The following MTMR12 variants were observed in gnomAD, a reference collection of about 807,000 sequenced individuals.
MTMR12 encodes the protein myotubularin-related protein 12.
Under a neutral mutation model 96.7 loss-of-function variants are expected in MTMR12, and 33 were observed. That is an observed-to-expected ratio of 0.34 (90% CI 0.26 to 0.46). The LOEUF (loss-of-function observed/expected upper bound fraction) is 0.46. Ranked by LOEUF, MTMR12 falls within the 20% of genes least tolerant of loss-of-function variation. The pLI, the probability that MTMR12 is intolerant of heterozygous loss-of-function variation, is 1.00. For synonymous variants in MTMR12, 298 were observed against 327.2 expected (o/e 0.91, Z 0.96); for missense variants, 721 against 896.1 (o/e 0.80, Z 2.49).
intron 1 of MTMR12, among the ~76,000 whole-genome samples, chr5:32,297,796 C>T (rs1270077630): frequency 2.0e-5 from 3 of 152,146 alleles, no homozygotes; most frequent in Non-Finnish European, 4.4e-5. Flanking sequence ...AATGTTAGGA[C>T]CCAAATACCA....
chr5:32,241,310 A>G (rs1450990788), intron 12 of MTMR12, among the ~76,000 whole-genome samples: 1 of 152,218 alleles, frequency 6.6e-6, no homozygotes, highest in African/African-American at 2.4e-5. Flanking sequence ...ATGTATTCAA[A>G]TCTAAGTCGG....
At chr5:32,238,156 A>G (rs1748313822) in intron 13 of MTMR12, among the ~76,000 whole-genome samples, 1 of 151,506 alleles carries the variant, frequency 6.6e-6, no homozygotes, top group South Asian at 2.1e-4. Context: ...AAAAAAAAAA[A>G]AAAAAAAAAA....
intron 15 of MTMR12, chr5:32,232,884 G>C: frequency 2.3e-6 from 2 of 869,178 alleles, no homozygotes; most frequent in Non-Finnish European, 1.4e-6. Context: ...AAAGGGCCAG[G>C]CTTTCTGAAG....
At chr5:32,235,827 C>A (rs77449286) in intron 13 of MTMR12, among the ~76,000 whole-genome samples, 2,347 of 152,274 alleles carry the variant, frequency 0.015, 32 homozygotes, top group Non-Finnish European at 0.024. Context: ...TGTGCTTTAT[C>A]ATTTAGAAAG....
chr5:32,261,378 C>T (rs1363428182), intron 7 of MTMR12, among the ~76,000 whole-genome samples: 2 of 152,148 alleles, frequency 1.3e-5, no homozygotes, highest in Admixed American at 1.3e-4. Context: ...GTTCCTCCCC[C>T]AGGCCTTTGC....
intron 1 of MTMR12, among the ~76,000 whole-genome samples, chr5:32,294,058 A>G (rs1294552771): frequency 6.6e-6 from 1 of 152,022 alleles, no homozygotes; most frequent in Non-Finnish European, 1.5e-5. Context: ...ATCATTTCCT[A>G]GCTCGCATGC....
At chr5:32,250,306 G>A (rs1276297932) in intron 8 of MTMR12, among the ~76,000 whole-genome samples, 1 of 152,202 alleles carries the variant, frequency 6.6e-6, no homozygotes, top group Non-Finnish European at 1.5e-5. Flanking sequence ...CTGCTGCAGT[G>A]GGGGAGCTGA....
At chr5:32,282,369 C>A (rs973305771) in intron 1 of MTMR12, among the ~76,000 whole-genome samples, 1 of 150,264 alleles carries the variant, frequency 6.7e-6, no homozygotes. Context: ...TACAGTGAGC[C>A]GAGATTGTGC....
chr5:32,308,978 C>T (rs112797656), intron 1 of MTMR12, among the ~76,000 whole-genome samples: 2 of 152,302 alleles, frequency 1.3e-5, no homozygotes, highest in Non-Finnish European at 2.9e-5. Context: ...TGTTTAGAGT[C>T]AGACTACAAC....
chr5:32,268,573 GGGTGACCAATT>G (rs1561777239), intron 6 of MTMR12, 117 bp downstream of exon 6: 1 of 646,522 alleles, frequency 1.5e-6, no homozygotes, highest in African/African-American at 1.8e-5. Context: ...CTCAAGCAAG[GGGTGACCAATT>G]GGTAGAGGAG....
In MTMR12 at chr5:32,227,485, T is replaced by G. The variant is rs1158555359; in HGVS notation, c.*2293A>C. The G allele has an allele frequency of 6.6e-6, 1 of 152,630 alleles. No individual in the cohort carries two copies. Among genetic ancestry groups the G allele is most frequent in the African/African-American group, 2.4e-5 (1 of 41,450 alleles). The allele number at this position is 152,630 out of a possible 1,614,324, so 9.5% of individuals were successfully genotyped here. A position where few individuals can be genotyped will look rare whatever the true frequency, so the allele number is the denominator to read the frequency against. On this transcript the variant is annotated 3_prime_UTR_variant, in exon 16 of 16. Transcript: ENST00000382142. ...GTAATTTTAAAAAATCATAGAAAAA[T>G]ATGTCAATGCACATTCAACTGCTAT...
chr5:32,258,186 T>C (rs1234045745), intron 7 of MTMR12, among the ~76,000 whole-genome samples: 1 of 151,956 alleles, frequency 6.6e-6, no homozygotes, highest in Non-Finnish European at 1.5e-5. Context: ...AAAGTTCCAA[T>C]AAGATTGTGA....
At chr5:32,296,315 CA>C in intron 1 of MTMR12, 1 of 161,272 alleles carries the variant, frequency 6.2e-6, no homozygotes, top group South Asian at 1.3e-4. Context: ...CTTGTTTTTA[CA>C]AAAAATGAAC....
At chr5:32,266,209 T>C (rs568222977) in intron 6 of MTMR12, among the ~76,000 whole-genome samples, 1 of 152,262 alleles carries the variant, frequency 6.6e-6, no homozygotes, top group Admixed American at 6.5e-5. Context: ...CGTTTTTGTT[T>C]TGTTTTGTTT....
In MTMR12 at chr5:32,233,723, T is replaced by C; in HGVS notation, c.1674+50A>G. On this transcript the variant is annotated intron_variant, in intron 15 of 15. Transcript: ENST00000382142. The surrounding 1 kb of genome is among the most constrained non-coding windows in gnomAD (Gnocchi z 5.0). ...TCCGTAAGTACCTTTTATCATTACA[T>C]GCACGGGGTCTGGGCAGCTGAAGGG... The C allele has an allele frequency of 1.2e-6, 2 of 1,611,880 alleles. No homozygotes were observed. The highest frequency in any genetic ancestry group is 1.1e-5 in the South Asian group (1 of 90,928).
intron 1 of MTMR12, among the ~76,000 whole-genome samples, chr5:32,294,837 T>C (rs1339055499): frequency 1.3e-5 from 2 of 152,240 alleles, no homozygotes; most frequent in African/African-American, 4.8e-5. Flanking sequence ...ATCCTATGCA[T>C]AGCTCTTGTG....
intron 13 of MTMR12, among the ~76,000 whole-genome samples, chr5:32,238,405 G>A (rs1423395172): frequency 6.6e-6 from 1 of 152,050 alleles, no homozygotes; most frequent in Non-Finnish European, 1.5e-5. Context: ...TAGAGATGAG[G>A]TCTGTCTATG....
At position 32,312,420 on chromosome 5, in the gene MTMR12, C is replaced by A. The variant is rs973895343; in HGVS notation, c.81+338G>T. The stretch of plus-strand genomic sequence containing the variant: ...AGGCCCCGTTGGGGGCTCCGACCCA[C>A]GGCCCTACCCCTCCCAGCAGTGCCC... On this transcript the variant is annotated intron_variant, in intron 1 of 15. Coordinates refer to ENST00000382142, the MANE Select transcript of MTMR12 (RefSeq NM_001040446.3). The surrounding 1 kb of genome is among the most constrained non-coding windows in gnomAD (Gnocchi z 5.0). Among the ~76,000 whole-genome samples, 2 of 152,186 alleles carry A rather than the reference C, an allele frequency of 1.3e-5. No individual in the cohort carries two copies. Among genetic ancestry groups the A allele is most frequent in the East Asian group, 3.9e-4 (2 of 5,186 alleles).
At chr5:32,240,498 C>T (rs899568343) in intron 12 of MTMR12, among the ~76,000 whole-genome samples, 1 of 152,100 alleles carries the variant, frequency 6.6e-6, no homozygotes, top group Non-Finnish European at 1.5e-5. Context: ...ACTATGGGTC[C>T]AAGCTTACAC....
Sources: gnomAD v4.1 joint callset for allele counts (sites outside exome capture counted in the v4.1 genomes callset) on GRCh38, gnomAD v4.1.1 for gene constraint, Gnocchi (gnomAD v3.1) non-coding constraint, MANE v1.5 for transcripts, NCBI Gene and HGNC (gene_info 2026-07-23, HGNC 2026-07-21) for gene names.